The following PAQR5 variants were observed in gnomAD, a reference collection of about 807,000 sequenced individuals.
PAQR5 encodes the protein progestin and adipoQ receptor family member 5.
A neutral mutation model predicts 34.5 loss-of-function variants in PAQR5; 20 were observed. The observed-to-expected ratio is 0.58, with a 90% CI of 0.41 to 0.84. The LOEUF is 0.84. PAQR5 is among the 40% of genes least tolerant of loss of function. PAQR5 has a pLI of 0.00. For synonymous variants in PAQR5, 131 were observed against 155.6 expected (o/e 0.84, Z 1.18); for missense variants, 378 against 412.7 (o/e 0.92, Z 0.73).
intron 1 of PAQR5, among the ~76,000 whole-genome samples, chr15:69,310,701 T>TTTA (rs1013746024): frequency 1.6e-4 from 25 of 151,838 alleles, no homozygotes; most frequent in African/African-American, 3.4e-4. Context: ...TGGTCAACAA[T>TTTA]TTATTATTAT....
intron 1 of PAQR5, among the ~76,000 whole-genome samples, chr15:69,313,944 AC>A (rs1169966301): frequency 6.6e-6 from 1 of 151,848 alleles, no homozygotes; most frequent in Admixed American, 6.6e-5. Flanking sequence ...GGACTCAGGG[AC>A]CTTGCCTTTC....
chr15:69,350,667 T>TCA (rs61320862), intron 2 of PAQR5, among the ~76,000 whole-genome samples: 5,930 of 148,794 alleles, frequency 0.04, 207 homozygotes, highest in East Asian at 0.15. Context: ...AATTAAAAAA[T>TCA]CACACACACA....
At chr15:69,395,908 GTTTGT>G (rs2056415228) in intron 6 of PAQR5, among the ~76,000 whole-genome samples, 1 of 152,094 alleles carries the variant, frequency 6.6e-6, no homozygotes, top group Non-Finnish European at 1.5e-5. Context: ...TGAAGTTGGG[GTTTGT>G]CTTGGGAGGC....
chr15:69,333,586 T>C (rs1175707599), intron 1 of PAQR5, among the ~76,000 whole-genome samples: 2 of 152,194 alleles, frequency 1.3e-5, no homozygotes, highest in Non-Finnish European at 2.9e-5. Context: ...GCTGATTGGC[T>C]TTGGGTTGCC....
rs1481554454 is a variant in PAQR5, at chr15:69,385,232, A to G, written c.385+350A>G. On this transcript the variant is annotated intron_variant, in intron 5 of 8. Coordinates refer to ENST00000395407, the MANE Select transcript of PAQR5 (RefSeq NM_017705.4). This position sits in a 1 kb window ranked among gnomAD's most constrained non-coding sequence, Gnocchi z 4.7. ...AGCACACTATTACAGAAATTCCACC[A>G]TGCAGATACAGTAGATGTAGTCATT... 6.6e-6 allele frequency among the ~76,000 whole-genome samples: 1 copy of G among 152,248 alleles called. No individual in the cohort carries two copies. Among genetic ancestry groups the G allele is most frequent in the African/African-American group, 2.4e-5 (1 of 41,462 alleles).
intron 4 of PAQR5, among the ~76,000 whole-genome samples, chr15:69,381,935 G>A (rs1251230832): frequency 6.6e-6 from 1 of 152,162 alleles, no homozygotes; most frequent in Non-Finnish European, 1.5e-5. Context: ...AGCTCTCTAG[G>A]AGTGATTTGT....
chr15:69,389,659 G>A lies in PAQR5; in HGVS notation c.391G>A (p.Ala131Thr), dbSNP rs115586674. Residue 131 changes from alanine to threonine, a missense_variant, in exon 6 of 9, where the codon GCC becomes ACC. Physicochemically the swap from Ala to Thr is moderately conservative, Grantham distance 58. Coordinates refer to ENST00000395407, the MANE Select transcript of PAQR5 (RefSeq NM_017705.4). ...GAVNLFSLGS[A>T]IAYSAYTFPD... ...GGCTGGCTTTTCTTCCCCAGGCTCA[G>A]CCATTGCCTACTCTGCATACACGTT... is the stretch of plus-strand genomic sequence containing the variant. The A allele has an allele frequency of 5.2e-5, 84 of 1,614,168 alleles. No individual in the cohort carries two copies. Among genetic ancestry groups the A allele is most frequent in the Non-Finnish European group, 6.9e-5 (81 of 1,180,012 alleles).
chr15:69,317,690 T>C (rs1255292458), intron 1 of PAQR5, among the ~76,000 whole-genome samples: 1 of 152,098 alleles, frequency 6.6e-6, no homozygotes, highest in African/African-American at 2.4e-5. Context: ...TCTAGGGAGG[T>C]GCAGCAGCTC....
At chr15:69,305,477 G>A (rs751962216) in intron 1 of PAQR5, among the ~76,000 whole-genome samples, 19 of 151,898 alleles carry the variant, frequency 1.3e-4, no homozygotes, top group East Asian at 7.8e-4. Flanking sequence ...AGTTCTCTTC[G>A]CCTTCCAGAC....
At chr15:69,340,333 A>G (rs1303108387) in intron 2 of PAQR5, among the ~76,000 whole-genome samples, 2 of 151,994 alleles carry the variant, frequency 1.3e-5, no homozygotes, top group Non-Finnish European at 2.9e-5. Context: ...TCTGCAATAC[A>G]CTGATATTTT....
At chr15:69,312,966 C>A (rs1409613278) in intron 1 of PAQR5, among the ~76,000 whole-genome samples, 1 of 152,178 alleles carries the variant, frequency 6.6e-6, no homozygotes, top group African/African-American at 2.4e-5. Flanking sequence ...GGCGATTCCT[C>A]ATGCTACCTT....
chr15:69,302,766 T>C (rs1050494395), intron 1 of PAQR5, among the ~76,000 whole-genome samples: 10 of 152,110 alleles, frequency 6.6e-5, no homozygotes, highest in Admixed American at 6.6e-4. Context: ...CTCAAGCCCG[T>C]GAACAAACCC....
chr15:69,399,525 CT>C lies in PAQR5; in HGVS notation c.610-445del, dbSNP rs529335464. On this transcript the variant is annotated intron_variant, in intron 7 of 8. Transcript: ENST00000395407. ...GGGGGAGTCAAAAGTTGTACATGGA[CT>C]TTTGACTGCAGGGGGTCAATGCCCC... is the stretch of plus-strand genomic sequence containing the variant. Among the ~76,000 whole-genome samples the C allele has an allele frequency of 5.4e-3, 826 of 152,278 alleles. 8 individuals are homozygous for C. Among genetic ancestry groups the C allele is most frequent in the African/African-American group, 0.019 (772 of 41,558 alleles).
In PAQR5 at chr15:69,397,517, G is replaced by A. The variant is rs766732609; in HGVS notation, c.562G>A (p.Ala188Thr). ...ACTCTGTAAGGTGATTCGTGTCCTC[G>A]CCTTTGCTTATCCGTACACCTGGGA... ...PRLCKVIRVLAFAYPYTWDSL... is the reference protein window; with the variant it reads ...PRLCKVIRVLTFAYPYTWDSL... The change falls in exon 7 of 9, where the codon GCC becomes ACC. Residue 188 changes from alanine (A) to threonine (T), a missense_variant. By Grantham distance (58) the Ala-to-Thr change is moderately conservative (BLOSUM62 0). Coordinates refer to ENST00000395407, the MANE Select transcript of PAQR5 (RefSeq NM_017705.4). The A allele has an allele frequency of 8.1e-6, 13 of 1,613,764 alleles. No homozygotes were observed. The highest frequency in any genetic ancestry group is 4.0e-5 in the African/African-American group (3 of 74,894).
At position 69,354,918 on chromosome 15, in the gene PAQR5, A is replaced by G. The variant is rs369073999; in HGVS notation, c.-115-5048A>G. Among the ~76,000 whole-genome samples the G allele has an allele frequency of 2.3e-3, 346 of 152,252 alleles. 19 individuals carry two copies. In the South Asian group the frequency reaches 0.069, roughly 30 times the overall value. On this transcript the variant is annotated intron_variant, in intron 2 of 8. Coordinates refer to ENST00000395407, the MANE Select transcript of PAQR5 (RefSeq NM_017705.4). ...CACCCTTCTTCTCCTTCCCTTGGGC[A>G]TCAGAACTCCAGGCTTTCTGGCCCT...
At chr15:69,400,638 G>T (rs1460876468) in intron 8 of PAQR5, among the ~76,000 whole-genome samples, 1 of 152,174 alleles carries the variant, frequency 6.6e-6, no homozygotes, top group African/African-American at 2.4e-5. Flanking sequence ...CCATGATCAT[G>T]CACTGCACTC....
intron 1 of PAQR5, among the ~76,000 whole-genome samples, chr15:69,317,561 G>A (rs79055300): frequency 2.8e-4 from 42 of 152,228 alleles, no homozygotes; most frequent in Non-Finnish European, 5.1e-4. Flanking sequence ...TGTGCTCTTT[G>A]GGTAATGATT....
At chr15:69,367,343 G>A (rs1246479578) in intron 3 of PAQR5, among the ~76,000 whole-genome samples, 11 of 151,786 alleles carry the variant, frequency 7.2e-5, no homozygotes, top group East Asian at 1.9e-4. Flanking sequence ...TATGCTCTGC[G>A]TGGATTAGTT....
At chr15:69,317,467 G>C (rs28396914) in intron 1 of PAQR5, among the ~76,000 whole-genome samples, 3 of 152,124 alleles carry the variant, frequency 2.0e-5, no homozygotes, top group Non-Finnish European at 4.4e-5. Flanking sequence ...CCCCTACCCA[G>C]GTCCATGCAG....
Sources: allele counts gnomAD v4.1 joint callset (sites outside exome capture counted in the v4.1 genomes callset), GRCh38; gene constraint gnomAD v4.1.1; non-coding constraint Gnocchi (gnomAD v3.1); transcripts MANE v1.5; gene names NCBI Gene and HGNC (gene_info 2026-07-23, HGNC 2026-07-21).